MGMT: variants seen among roughly 807,000 people sequenced by gnomAD.
MGMT encodes the protein methylated-DNA--protein-cysteine methyltransferase.
MGMT carries 14 observed loss-of-function variants against 15.9 expected under a neutral mutation model. The ratio of observed to expected loss-of-function variants is 0.88; its 90% CI spans 0.58 to 1.37. The LOEUF (loss-of-function observed/expected upper bound fraction) is 1.37, where lower values mean the gene tolerates loss of function less well. MGMT is among the 40% of genes most tolerant of loss of function. The pLI, the probability that MGMT is intolerant of heterozygous loss-of-function variation, is 0.00. For synonymous variants in MGMT, 130 were observed against 118.2 expected, an observed-to-expected ratio of 1.10 and a Z score of -0.65; for missense variants, 282 against 268.1, an observed-to-expected ratio of 1.05 and a Z score of -0.36.
At position 129,617,305 on chromosome 10, in the gene MGMT, C is replaced by T. The variant is rs555110664; in HGVS notation, c.125+80928C>T. On this transcript the variant is annotated intron_variant, in intron 2 of 4. Transcript: ENST00000651593. ...ATAGTATTCTGTGGTGTATATTTAC[C>T]ACATGTTCTTTATCCAGTCTCCTAT... 3.9e-5 allele frequency among the ~76,000 whole-genome samples: 6 copies of T among 152,124 alleles called. No homozygotes were observed. The East Asian group carries it at 7.7e-4, about 20-fold the overall frequency.
intron 3 of MGMT, among the ~76,000 whole-genome samples, chr10:129,710,333 C>T (rs989472672): frequency 2.6e-5 from 4 of 152,306 alleles, no homozygotes; most frequent in South Asian, 2.1e-4. Context: ...GTGCGACAGC[C>T]GCTCACATCC....
chr10:129,722,851 C>CA (rs978399190), intron 3 of MGMT, among the ~76,000 whole-genome samples: 3 of 151,784 alleles, frequency 2.0e-5, no homozygotes, highest in East Asian at 1.9e-4. Flanking sequence ...ACTAAAAACA[C>CA]AAAAAACAGC....
intron 2 of MGMT, among the ~76,000 whole-genome samples, chr10:129,581,145 G>T (rs1051679292): frequency 6.6e-6 from 1 of 152,226 alleles, no homozygotes; most frequent in Non-Finnish European, 1.5e-5. Flanking sequence ...TGCAGTGTGA[G>T]TTGCACACTG....
At chr10:129,661,576 A>G (rs532267268) in intron 2 of MGMT, among the ~76,000 whole-genome samples, 2 of 151,370 alleles carry the variant, frequency 1.3e-5, no homozygotes, top group Non-Finnish European at 2.9e-5. Context: ...GCTTTTTTCG[A>G]TTGTTTCTTT....
At chr10:129,668,536 T>C (rs1847685775) in intron 2 of MGMT, among the ~76,000 whole-genome samples, 1 of 152,252 alleles carries the variant, frequency 6.6e-6, no homozygotes, top group Admixed American at 6.5e-5. Context: ...GTCTATGCAG[T>C]GACCCCTTTG....
intron 2 of MGMT, among the ~76,000 whole-genome samples, chr10:129,572,300 G>A (rs1408421466): frequency 1.3e-5 from 2 of 152,302 alleles, no homozygotes; most frequent in East Asian, 3.9e-4. Flanking sequence ...TGATTAGTCT[G>A]TGTGTACCCC....
chr10:129,479,169 G>T (rs1845328397), intron 1 of MGMT, among the ~76,000 whole-genome samples: 2 of 152,318 alleles, frequency 1.3e-5, no homozygotes, highest in African/African-American at 4.8e-5. Flanking sequence ...TTCCTTACAT[G>T]AGTTATGTTA....
chr10:129,661,847 C>T (rs1487382843), intron 2 of MGMT, among the ~76,000 whole-genome samples: 2 of 152,162 alleles, frequency 1.3e-5, no homozygotes, highest in Non-Finnish European at 2.9e-5. Flanking sequence ...AATTTGCTTT[C>T]GTGTGACCTG....
chr10:129,632,970 T>C (rs1158844606), intron 2 of MGMT, among the ~76,000 whole-genome samples: 1 of 152,212 alleles, frequency 6.6e-6, no homozygotes, highest in African/African-American at 2.4e-5. Flanking sequence ...AAAAATTTTA[T>C]GTAAATTAAA....
intron 3 of MGMT, among the ~76,000 whole-genome samples, chr10:129,725,637 G>T (rs1385668218): frequency 6.6e-6 from 1 of 152,220 alleles, no homozygotes; most frequent in Admixed American, 6.5e-5. Flanking sequence ...CAGGGCTGGG[G>T]TCTGCCCACT....
chr10:129,688,410 G>A (rs1257791355), intron 2 of MGMT, among the ~76,000 whole-genome samples: 1 of 152,146 alleles, frequency 6.6e-6, no homozygotes, highest in Admixed American at 6.5e-5. Context: ...GTATCTCATT[G>A]TGGTTTTGAT....
intron 2 of MGMT, among the ~76,000 whole-genome samples, chr10:129,644,499 G>A (rs184786805): frequency 1.3e-4 from 20 of 152,282 alleles, no homozygotes; most frequent in Non-Finnish European, 2.4e-4. Flanking sequence ...GAGAGGACTC[G>A]ATTGAAGGGG....
chr10:129,548,299 A>C (rs928382677), intron 2 of MGMT, among the ~76,000 whole-genome samples: 1 of 152,232 alleles, frequency 6.6e-6, no homozygotes, highest in African/African-American at 2.4e-5. Flanking sequence ...CACTAAAAAT[A>C]TATGCTCCTG....
chr10:129,467,816 G>A (rs997303967), intron 1 of MGMT, among the ~76,000 whole-genome samples: 2 of 152,202 alleles, frequency 1.3e-5, no homozygotes, highest in Non-Finnish European at 2.9e-5. Flanking sequence ...TCAACACTTA[G>A]AGTAAGCAAG....
At position 129,532,504 on chromosome 10, in the gene MGMT, G is replaced by A. The variant is rs1277642129; in HGVS notation, c.-12-3737G>A. On this transcript the variant is annotated intron_variant, in intron 1 of 4. Transcript: ENST00000651593. This position sits in a 1 kb window ranked among gnomAD's most constrained non-coding sequence, Gnocchi z 5.3. ...GCTAAGCTGCCTGTGGCCCTCCACC[G>A]CCCTGCTCCTTCCTCCGGGTGGGGG... 6.6e-6 allele frequency among the ~76,000 whole-genome samples: 1 copy of A among 152,084 alleles called. No individual in the cohort carries two copies. The highest frequency in any genetic ancestry group is 1.9e-4 in the East Asian group (1 of 5,144).
At chr10:129,549,912 G>A (rs1278582784) in intron 2 of MGMT, among the ~76,000 whole-genome samples, 3 of 152,150 alleles carry the variant, frequency 2.0e-5, no homozygotes, top group African/African-American at 7.2e-5. Flanking sequence ...TGGAGGAGCA[G>A]AGGTATAAAT....
chr10:129,589,591 T>C (rs965743572), intron 2 of MGMT, among the ~76,000 whole-genome samples: 2 of 152,268 alleles, frequency 1.3e-5, no homozygotes, highest in Admixed American at 1.3e-4. Context: ...ATCTTGACTT[T>C]GGAAATTTTT....
intron 1 of MGMT, among the ~76,000 whole-genome samples, chr10:129,498,904 C>T (rs1404152719): frequency 6.6e-5 from 10 of 152,196 alleles, no homozygotes; most frequent in Admixed American, 6.5e-4. Flanking sequence ...TGTGTGTCTA[C>T]TGACCCGTGC....
intron 3 of MGMT, among the ~76,000 whole-genome samples, chr10:129,741,351 C>T (rs905222507): frequency 6.6e-6 from 1 of 152,280 alleles, no homozygotes; most frequent in East Asian, 1.9e-4. Context: ...CGGCAACACC[C>T]GGGAGGCTGC....
Sources: allele counts gnomAD v4.1 joint callset (sites outside exome capture counted in the v4.1 genomes callset), GRCh38; gene constraint gnomAD v4.1.1; non-coding constraint Gnocchi (gnomAD v3.1); transcripts MANE v1.5; gene names NCBI Gene and HGNC (gene_info 2026-07-23, HGNC 2026-07-21).